The following LRFN5 variants were observed in gnomAD, a reference collection of about 807,000 sequenced individuals.
The protein encoded by LRFN5 is leucine rich repeat and fibronectin type III domain containing 5, also known as leucine-rich repeat and fibronectin type-III domain-containing protein 5.
In LRFN5, 24 loss-of-function variants were observed where a neutral mutation model predicts 45.6. The ratio of observed to expected loss-of-function variants is 0.53; its 90% confidence interval spans 0.38 to 0.74. The LOEUF is 0.74. Among genes scored for constraint, LRFN5 ranks in the 30% least tolerant of loss-of-function variants. The pLI is 0.00. For synonymous variants in LRFN5, 340 were observed against 313.8 expected (o/e 1.08, Z -0.88); for missense variants, 776 against 861.5 (o/e 0.90, Z 1.24).
At chr14:41,761,373 G>C (rs952291388) in intron 1 of LRFN5, among the ~76,000 whole-genome samples, 2 of 151,776 alleles carry the variant, frequency 1.3e-5, no homozygotes, top group Non-Finnish European at 2.9e-5. Context: ...AGAAAATACG[G>C]TATGTAGATA....
chr14:41,745,255 A>G (rs1171990342), intron 1 of LRFN5, among the ~76,000 whole-genome samples: 2 of 152,136 alleles, frequency 1.3e-5, no homozygotes, highest in Non-Finnish European at 2.9e-5. Context: ...TCAAAATTAA[A>G]TAACATATAT....
chr14:41,692,729 C>T (rs771793131), intron 1 of LRFN5, among the ~76,000 whole-genome samples: 2 of 152,086 alleles, frequency 1.3e-5, no homozygotes, highest in African/African-American at 2.4e-5. Flanking sequence ...ATGTTTTTAA[C>T]TTGGTAAAGA....
chr14:41,824,624 T>C (rs1460713435), intron 2 of LRFN5, among the ~76,000 whole-genome samples: 2 of 152,114 alleles, frequency 1.3e-5, no homozygotes, highest in African/African-American at 4.8e-5. Context: ...CAGTAGGTGG[T>C]GTTTATGGGT....
rs1030525120 is a variant in LRFN5 at position 41,781,698 on chromosome 14, GAGAA to G, written c.-21+14675_-21+14678del. ...AGAAAGAAAGAGAAAGAAAGAAAAAGAGAAAGAAAAAGAGAGAGAGGAAAGAAGG... is the reference window on the plus strand; with the variant it reads ...AGAAAGAAAGAGAAAGAAAGAAAAAGAGAAAAAGAGAGAGAGGAAAGAAGG... On this transcript the variant is annotated intron_variant, in intron 2 of 5. Coordinates refer to ENST00000298119, the MANE Select transcript of LRFN5 (RefSeq NM_152447.5). Among the ~76,000 whole-genome samples, 553 of 151,054 alleles carry G rather than the reference GAGAA, an allele frequency of 3.7e-3. 5 individuals are homozygous for G. The highest frequency in any genetic ancestry group is 0.013 in the African/African-American group (531 of 41,122).
chr14:41,795,550 G>T (rs1887091488), intron 2 of LRFN5, among the ~76,000 whole-genome samples: 1 of 152,070 alleles, frequency 6.6e-6, no homozygotes, highest in East Asian at 1.9e-4. Context: ...TGATAGACTG[G>T]ATTAAGAAAA....
At chr14:41,661,229 C>A (rs1880639301) in intron 1 of LRFN5, among the ~76,000 whole-genome samples, 1 of 151,812 alleles carries the variant, frequency 6.6e-6, no homozygotes, top group Non-Finnish European at 1.5e-5. Flanking sequence ...GAAACATAAT[C>A]TAATCACTGG....
At chr14:41,638,639 T>G (rs1879420363) in intron 1 of LRFN5, among the ~76,000 whole-genome samples, 1 of 152,148 alleles carries the variant, frequency 6.6e-6, no homozygotes, top group Non-Finnish European at 1.5e-5. Context: ...ATTCATGTTC[T>G]GTGAGAGAAA....
At chr14:41,665,889 G>A (rs1594594764) in intron 1 of LRFN5, among the ~76,000 whole-genome samples, 1 of 151,634 alleles carries the variant, frequency 6.6e-6, no homozygotes, top group South Asian at 2.1e-4. Flanking sequence ...TTATTTTTAT[G>A]TCTGTTTTAT....
intron 2 of LRFN5, among the ~76,000 whole-genome samples, chr14:41,874,098 C>A (rs942501319): frequency 6.6e-6 from 1 of 152,094 alleles, no homozygotes; most frequent in Non-Finnish European, 1.5e-5. Flanking sequence ...AAAGAGGCTG[C>A]TATATTGGAA....
intron 1 of LRFN5, among the ~76,000 whole-genome samples, chr14:41,738,053 A>C (rs1198878178): frequency 6.6e-6 from 1 of 152,204 alleles, no homozygotes; most frequent in Non-Finnish European, 1.5e-5. Context: ...TCTTAAATAA[A>C]AAGAACAAAG....
chr14:41,746,299 C>CT (rs1189093789), intron 1 of LRFN5, among the ~76,000 whole-genome samples: 1 of 151,988 alleles, frequency 6.6e-6, no homozygotes, highest in Non-Finnish European at 1.5e-5. Context: ...ACAAAATTCA[C>CT]TATCTTTTCC....
chr14:41,791,654 C>A (rs2138945303), intron 2 of LRFN5, among the ~76,000 whole-genome samples: 1 of 152,152 alleles, frequency 6.6e-6, no homozygotes, highest in Admixed American at 6.6e-5. Context: ...TTCCTGTTAA[C>A]AGTATCACTG....
intron 1 of LRFN5, among the ~76,000 whole-genome samples, chr14:41,620,124 T>C (rs1888069481): frequency 6.6e-6 from 1 of 152,092 alleles, no homozygotes; most frequent in African/African-American, 2.4e-5. Flanking sequence ...GTTTATTCTA[T>C]TGAGACACAG....
chr14:41,797,206 C>T (rs967717084), intron 2 of LRFN5, among the ~76,000 whole-genome samples: 1 of 151,626 alleles, frequency 6.6e-6, no homozygotes, highest in South Asian at 2.1e-4. Flanking sequence ...TTTTTCATGG[C>T]ATTTGAAATT....
intron 2 of LRFN5, among the ~76,000 whole-genome samples, chr14:41,823,610 C>T (rs1026796108): frequency 6.6e-6 from 1 of 152,174 alleles, no homozygotes; most frequent in African/African-American, 2.4e-5. Context: ...AGCCTGATGA[C>T]TATGTGCCTT....
At chr14:41,692,118 G>A (rs778019961) in intron 1 of LRFN5, among the ~76,000 whole-genome samples, 2 of 151,906 alleles carry the variant, frequency 1.3e-5, no homozygotes, top group Non-Finnish European at 2.9e-5. Context: ...TTGAATATAG[G>A]GTAGATGTAT....
intron 2 of LRFN5, among the ~76,000 whole-genome samples, chr14:41,849,332 T>C (rs959944105): frequency 3.3e-5 from 5 of 151,984 alleles, no homozygotes; most frequent in Non-Finnish European, 1.5e-5. Context: ...CTTCCCAAAC[T>C]GTCTTCCACT....
intron 2 of LRFN5, among the ~76,000 whole-genome samples, chr14:41,781,558 G>GAGAAAGAAAGAAAGAAAGAAAGAA (rs55859357): frequency 8.4e-5 from 9 of 106,934 alleles, no homozygotes; most frequent in Non-Finnish European, 1.3e-4. Flanking sequence ...AGAAAAGAAA[G>GAGAAAGAAAGAAAGAAAGAAAGAA]AGAAAGAAAG....
intron 1 of LRFN5, among the ~76,000 whole-genome samples, chr14:41,715,968 G>A (rs191256232): frequency 1.2e-4 from 18 of 152,310 alleles, no homozygotes; most frequent in Admixed American, 1.1e-3. Flanking sequence ...CTGAAATCTA[G>A]GTGGAGGTTC....
Sources: gnomAD v4.1 joint callset for allele counts (sites outside exome capture counted in the v4.1 genomes callset) on GRCh38, gnomAD v4.1.1 for gene constraint, MANE v1.5 for transcripts, NCBI Gene and HGNC (gene_info 2026-07-23, HGNC 2026-07-21) for gene names.